The following CLEC12A variants were observed in gnomAD, a reference collection of about 807,000 sequenced individuals.
CLEC12A encodes the protein C-type lectin domain family 12 member A, also known as C-type lectin protein CLL-1.
CLEC12A carries 22 observed loss-of-function variants against 26.5 expected under a neutral mutation model. The observed-to-expected ratio is 0.83, with a 90% CI of 0.59 to 1.19. CLEC12A has a LOEUF of 1.19. CLEC12A is among the 50% of genes most tolerant of loss of function. The probability of loss-of-function intolerance (pLI) is 0.00; values close to 1 mark genes in which losing one functional copy is unlikely to be tolerated. For synonymous variants in CLEC12A, 119 were observed against 101.9 expected (o/e 1.17, Z -1.01); for missense variants, 353 against 315.6 (o/e 1.12, Z -0.90).
downstream of CLEC12A, among the ~76,000 whole-genome samples, chr12:9,988,454 C>T (rs574537065): frequency 8.5e-5 from 13 of 152,168 alleles, no homozygotes; most frequent in Non-Finnish European, 1.5e-4. Flanking sequence ...AAAGTTTTTG[C>T]AATCTACTCA....
At chr12:9,988,854 C>T (rs1864828816), downstream of CLEC12A, among the ~76,000 whole-genome samples, 1 of 152,204 alleles carries the variant, frequency 6.6e-6, no homozygotes, top group Non-Finnish European at 1.5e-5. Context: ...CCAGCCATCC[C>T]ATTGCTGGGT....
chr12:9,962,785 A>T (rs1037494398), intron 1 of CLEC12A, among the ~76,000 whole-genome samples: 1 of 152,168 alleles, frequency 6.6e-6, no homozygotes, highest in African/African-American at 2.4e-5. Context: ...GGCCATCTGG[A>T]TGTGTATGTG....
chr12:10,005,174 T>C, the CLEC12A span, among the ~76,000 whole-genome samples: 43 of 152,340 alleles, frequency 2.8e-4, 1 homozygote, highest in South Asian at 8.1e-3. Flanking sequence ...GGCACAATTC[T>C]ATTTTCTGGG....
chr12:9,994,940 T>A, intron 4 of CLEC12A: 1 of 1,375,444 alleles, frequency 7.3e-7, no homozygotes, highest in Admixed American at 2.2e-5. Context: ...AGGTGGATTG[T>A]GGCTTAGATA....
intron 5 of CLEC12A, chr12:9,983,542 G>A (rs767984194): frequency 1.0e-5 from 7 of 694,670 alleles, no homozygotes; most frequent in Admixed American, 4.1e-5. Flanking sequence ...AATATCAAAC[G>A]AAGAAAGAAA....
chr12:9,995,155 A>G (rs780927328), exon 5 of CLEC12A: 4 of 1,612,648 alleles, frequency 2.5e-6, no homozygotes. Context: ...TTCTGAGATA[A>G]CCGAGCCATC....
chr12:9,992,639 A>T (rs1864918931), intron 4 of CLEC12A: 1 of 152,322 alleles, frequency 6.6e-6, no homozygotes, highest in Admixed American at 6.6e-5. Context: ...AGAAAAGGGA[A>T]GTTAAAGAGG....
intron 1 of CLEC12A, 144 bp downstream of exon 1, chr12:9,971,831 G>A (rs1864139551): frequency 6.6e-6 from 4 of 604,304 alleles, no homozygotes; most frequent in Non-Finnish European, 1.0e-5. Flanking sequence ...AACAAAAAGT[G>A]TATGAACAAA....
exon 5 of CLEC12A, chr12:9,995,313 C>T (rs1865014623): frequency 2.2e-6 from 3 of 1,348,774 alleles, no homozygotes; most frequent in Non-Finnish European, 3.2e-6. Context: ...ATAGACAAAG[C>T]TTCATGATAA....
rs1028887241 is a variant in CLEC12A at position 9,980,621 on chromosome 12, A to C, written c.419A>C (p.His140Pro). 1.7e-5 allele frequency: 28 copies of C among 1,613,822 alleles called. No individual in the cohort carries two copies. The highest frequency in any genetic ancestry group is 2.3e-5 in the Non-Finnish European group (27 of 1,179,878). The change falls in exon 4 of 6, where the codon CAT becomes CCT. Residue 140 changes from histidine to proline, a missense_variant. Physicochemically the swap from His to Pro is moderately conservative, Grantham distance 77 (BLOSUM62 -2). Coordinates refer to ENST00000304361, the MANE Select transcript of CLEC12A (RefSeq NM_138337.6). ...CKPCPRRWIW[H>P]KDSCYFLSDD... ...CCTTGTCCAAGGAGATGGATTTGGC[A>C]TAAGGACAGCTGTTATTTCCTAAGT...
the CLEC12A span, among the ~76,000 whole-genome samples, chr12:10,004,345 A>G: frequency 6.6e-6 from 1 of 152,170 alleles, no homozygotes; most frequent in Non-Finnish European, 1.5e-5. Flanking sequence ...TCACACATGA[A>G]CTCAAAGGAT....
At chr12:9,964,924 G>A (rs1565549605) in intron 1 of CLEC12A, among the ~76,000 whole-genome samples, 1 of 152,254 alleles carries the variant, frequency 6.6e-6, no homozygotes, top group South Asian at 2.1e-4. Flanking sequence ...GGTCAGGTGT[G>A]GTATCCAGAA....
At chr12:9,983,645 G>C (rs557355959) in intron 5 of CLEC12A, 2 of 599,102 alleles carry the variant, frequency 3.3e-6, no homozygotes, top group Non-Finnish European at 5.9e-6. Flanking sequence ...TGAGTCAACT[G>C]TGTTGAGGTG....
chr12:9,972,253 A>T (rs1278337680), intron 1 of CLEC12A, among the ~76,000 whole-genome samples: 1 of 152,186 alleles, frequency 6.6e-6, no homozygotes, highest in East Asian at 1.9e-4. Flanking sequence ...AAAGGAAGAA[A>T]AGAGGTAAAG....
intron 5 of CLEC12A, chr12:9,984,371 T>C (rs1864688123): frequency 6.6e-6 from 1 of 152,348 alleles, no homozygotes; most frequent in Non-Finnish European, 1.5e-5. Context: ...ACTAATCTAG[T>C]ATTTATGGGC....
At chr12:9,989,842 A>T (rs749795726), downstream of CLEC12A, among the ~76,000 whole-genome samples, 4 of 152,088 alleles carry the variant, frequency 2.6e-5, no homozygotes, top group Non-Finnish European at 5.9e-5. Flanking sequence ...CTTGTTAGGG[A>T]CTAATGCAGC....
chr12:9,977,524 T>G (rs1864386214), intron 1 of CLEC12A, among the ~76,000 whole-genome samples: 1 of 152,206 alleles, frequency 6.6e-6, no homozygotes, highest in Admixed American at 6.5e-5. Context: ...CAAATAGAAA[T>G]CTTTTCCTTA....
chr12:9,959,072 C>T (rs1417369233), intron 1 of CLEC12A, among the ~76,000 whole-genome samples: 2 of 152,178 alleles, frequency 1.3e-5, no homozygotes, highest in Non-Finnish European at 2.9e-5. Context: ...AATAAAAACT[C>T]TTCCTCCCCA....
chr12:9,952,195 G>GTCTCCCTCTCCC (rs372409304), intron 1 of CLEC12A: 3 of 91,024 alleles, frequency 3.3e-5, no homozygotes, highest in African/African-American at 4.4e-5. Context: ...CTCCCTCTCC[G>GTCTCCCTCTCCC]TCTCCCTCTC....
Sources: gnomAD v4.1 joint callset for allele counts (sites outside exome capture counted in the v4.1 genomes callset) on GRCh38, gnomAD v4.1.1 for gene constraint, MANE v1.5 for transcripts, NCBI Gene and HGNC (gene_info 2026-07-23, HGNC 2026-07-21) for gene names.